SLC12A8: variants seen among roughly 807,000 people sequenced by gnomAD.
SLC12A8 encodes the protein solute carrier family 12 member 8, also known as cation-chloride cotransporter 9.
A neutral mutation model predicts 75.6 loss-of-function variants in SLC12A8; 69 were observed. That is an observed-to-expected ratio of 0.91 (90% CI 0.75 to 1.11). The LOEUF (loss-of-function observed/expected upper bound fraction) is 1.11, where lower values mean the gene tolerates loss of function less well. Ranked by LOEUF, SLC12A8 falls within the 50% of genes most tolerant of loss-of-function variation. The pLI is 0.00. For synonymous variants in SLC12A8, 365 were observed against 372.8 expected (o/e 0.98, Z 0.24); for missense variants, 877 against 896.7 (o/e 0.98, Z 0.28).
At chr3:125,118,979 A>G (rs1439893943) in intron 7 of SLC12A8, 123 bp from the exon 8 acceptor site, 1 of 637,128 alleles carries the variant, frequency 1.6e-6, no homozygotes. Context: ...AAGGCCAGTC[A>G]TGAAGCTTCC....
intron 5 of SLC12A8, among the ~76,000 whole-genome samples, chr3:125,160,755 G>A (rs1934149240): frequency 6.6e-6 from 1 of 152,194 alleles, no homozygotes; most frequent in Non-Finnish European, 1.5e-5. Context: ...GCCATAAGGG[G>A]CCTCTTTGCA....
chr3:125,194,514 C>T (rs920902151), intron 2 of SLC12A8, among the ~76,000 whole-genome samples: 1 of 152,192 alleles, frequency 6.6e-6, no homozygotes, highest in Non-Finnish European at 1.5e-5. Context: ...AATCCTGCAT[C>T]CAGCAAGCAG....
chr3:125,184,904 A>C (rs1361855074), intron 4 of SLC12A8, among the ~76,000 whole-genome samples: 3 of 152,202 alleles, frequency 2.0e-5, no homozygotes, highest in Admixed American at 6.5e-5. Context: ...AAGAAAGAGA[A>C]GACATTATTT....
intron 7 of SLC12A8, 160 bp from the exon 8 acceptor site, chr3:125,119,016 G>T: frequency 1.9e-6 from 1 of 533,424 alleles, no homozygotes; most frequent in East Asian, 3.1e-5. Flanking sequence ...GACACTTTTT[G>T]TACTATTTCT....
chr3:125,181,090 TAGA>T (rs1278007990), intron 4 of SLC12A8, among the ~76,000 whole-genome samples: 3 of 152,168 alleles, frequency 2.0e-5, no homozygotes, highest in Admixed American at 2.0e-4. Context: ...CTGTCACTAC[TAGA>T]AGAACTAAAA....
In SLC12A8 at chr3:125,187,547, G is replaced by A. The variant is rs1934819323; in HGVS notation, c.199-119C>T. The A allele has an allele frequency of 3.4e-5, 30 of 871,118 alleles. No homozygotes were observed. In the South Asian group the frequency reaches 4.3e-4, roughly 13 times the overall value. 54.0% of individuals were successfully genotyped at this position (871,118 alleles called of 1,614,324 possible). ...GCACTGGAATAGGGGCCAGGGGTGG[G>A]GGCACAGAGTCAGGACAACTAAAAA... On this transcript the variant is annotated intron_variant, in intron 3 of 13. Coordinates refer to ENST00000469902, the MANE Select transcript of SLC12A8 (RefSeq NM_024628.6).
intron 10 of SLC12A8, among the ~76,000 whole-genome samples, chr3:125,101,031 A>AAAG (rs1014696380): frequency 2.6e-5 from 4 of 151,394 alleles, no homozygotes; most frequent in African/African-American, 9.7e-5. Flanking sequence ...AAAAAAAAAA[A>AAAG]AAAAAAAAAA....
At chr3:125,096,371 T>C (rs1938712245) in intron 10 of SLC12A8, among the ~76,000 whole-genome samples, 1 of 152,238 alleles carries the variant, frequency 6.6e-6, no homozygotes, top group Admixed American at 6.5e-5. Flanking sequence ...TGGTATTTGC[T>C]TGTTTATCAT....
At chr3:125,178,207 T>C (rs1475226815) in intron 4 of SLC12A8, among the ~76,000 whole-genome samples, 2 of 152,062 alleles carry the variant, frequency 1.3e-5, no homozygotes, top group Non-Finnish European at 2.9e-5. Context: ...GAACCCAAGC[T>C]GAGAGCTGGC....
chr3:125,115,994 G>GT (rs1405590966), intron 8 of SLC12A8, among the ~76,000 whole-genome samples: 2 of 151,992 alleles, frequency 1.3e-5, no homozygotes, highest in African/African-American at 4.8e-5. Flanking sequence ...CCCAACCAGT[G>GT]TAGGTTGCAC....
At chr3:125,156,754 C>A (rs78374400) in intron 5 of SLC12A8, among the ~76,000 whole-genome samples, 1,947 of 152,314 alleles carry the variant, frequency 0.013, 39 homozygotes, top group African/African-American at 0.045. Flanking sequence ...CTTCTCTAGA[C>A]TGGACAATTG....
rs377604766 is a variant in SLC12A8 at position 125,108,107 on chromosome 3, G to A, written c.1079C>T (p.Pro360Leu). 4 of 1,613,472 alleles carry A rather than the reference G, an allele frequency of 2.5e-6. No homozygotes were observed. The African/African-American group carries it at 5.3e-5, about 22-fold the overall frequency. The stretch of plus-strand genomic sequence containing the variant: ...GCTGGTCAGGCAGATGGCAGCCACG[G>A]GTGTTTTGTTTGGCCCCTTCTGCAG... ...LGQGKGPNKT[P>L]VAAICLTSLV... Residue 360 changes from proline (P) to leucine (L), a missense_variant, in exon 10 of 14, where the codon CCC (proline) becomes CTC (leucine). Pro to Leu is a moderately conservative substitution (Grantham distance 98). Coordinates refer to ENST00000469902, the MANE Select transcript of SLC12A8 (RefSeq NM_024628.6).
At chr3:125,153,003 G>T (rs1019796563) in intron 5 of SLC12A8, among the ~76,000 whole-genome samples, 1 of 152,070 alleles carries the variant, frequency 6.6e-6, no homozygotes, top group Non-Finnish European at 1.5e-5. Context: ...GCAGCCAGGC[G>T]CTCCGTCCAC....
intron 6 of SLC12A8, among the ~76,000 whole-genome samples, chr3:125,133,744 A>G (rs1166963533): frequency 2.0e-5 from 3 of 151,794 alleles, no homozygotes; most frequent in African/African-American, 4.8e-5. Flanking sequence ...CTTTTTAATC[A>G]TGTTTTGTAG....
intron 5 of SLC12A8, among the ~76,000 whole-genome samples, chr3:125,174,204 G>A (rs1934472425): frequency 6.6e-6 from 1 of 152,200 alleles, no homozygotes; most frequent in African/African-American, 2.4e-5. Flanking sequence ...GTGATATACA[G>A]ATGGCAAATA....
chr3:125,212,210 G>C (rs1400893105), intron 1 of SLC12A8, among the ~76,000 whole-genome samples: 2 of 152,064 alleles, frequency 1.3e-5, no homozygotes, highest in Non-Finnish European at 2.9e-5. Context: ...GCACTGAGTG[G>C]GGGGTTGGGA....
chr3:125,208,310 T>C (rs1935264858), intron 2 of SLC12A8, among the ~76,000 whole-genome samples: 1 of 152,144 alleles, frequency 6.6e-6, no homozygotes, highest in African/African-American at 2.4e-5. Flanking sequence ...TGGCCCAAGG[T>C]ATGATTTTGG....
intron 5 of SLC12A8, among the ~76,000 whole-genome samples, chr3:125,147,017 C>G (rs1933793542): frequency 6.6e-6 from 1 of 152,206 alleles, no homozygotes; most frequent in African/African-American, 2.4e-5. Context: ...TTGCCGACGT[C>G]TGGAATCCTT....
At chr3:125,125,388 C>T (rs1475575951) in intron 6 of SLC12A8, among the ~76,000 whole-genome samples, 9 of 151,748 alleles carry the variant, frequency 5.9e-5, no homozygotes, top group Admixed American at 1.3e-4. Context: ...TGAAACCCCG[C>T]GTCTACTAAA....
Sources: gnomAD v4.1 joint callset for allele counts (sites outside exome capture counted in the v4.1 genomes callset) on GRCh38, gnomAD v4.1.1 for gene constraint, MANE v1.5 for transcripts, NCBI Gene and HGNC (gene_info 2026-07-23, HGNC 2026-07-21) for gene names.